KCNC2: variants seen among roughly 807,000 people sequenced by gnomAD.
KCNC2 encodes voltage-gated potassium channel KCNC2.
KCNC2 carries 21 observed loss-of-function variants against 44.5 expected under a neutral mutation model. The observed-to-expected ratio is 0.47, with a 90% confidence interval of 0.33 to 0.68. The LOEUF is 0.68. Among genes scored for constraint, KCNC2 ranks in the 30% least tolerant of loss-of-function variants. The pLI is 0.01. For missense variants in KCNC2, 589 were observed against 826.2 expected (o/e 0.71, Z 3.52); for synonymous variants, 391 against 339.1 (o/e 1.15, Z -1.68).
intron 2 of KCNC2, among the ~76,000 whole-genome samples, chr12:75,137,275 T>C (rs1889301008): frequency 6.6e-6 from 1 of 152,208 alleles, no homozygotes; most frequent in South Asian, 2.1e-4. Context: ...CTTTTTTCTT[T>C]ACACTCTGCT....
chr12:75,163,763 G>A (rs933537972), intron 2 of KCNC2, among the ~76,000 whole-genome samples: 2 of 151,670 alleles, frequency 1.3e-5, no homozygotes, highest in Non-Finnish European at 3.0e-5. Flanking sequence ...TAAAAGAGAA[G>A]ATTAGCGATT....
chr12:75,130,274 T>A (rs1177524848), intron 2 of KCNC2, among the ~76,000 whole-genome samples: 1 of 152,146 alleles, frequency 6.6e-6, no homozygotes, highest in Non-Finnish European at 1.5e-5. Context: ...CATCCTCCAT[T>A]AGGTCTGTCT....
intron 2 of KCNC2, among the ~76,000 whole-genome samples, chr12:75,191,403 T>G (rs889075416): frequency 6.6e-5 from 10 of 150,866 alleles, no homozygotes; most frequent in African/African-American, 2.2e-4. Flanking sequence ...ATATTTAAAT[T>G]TATGATTTAA....
intron 2 of KCNC2, among the ~76,000 whole-genome samples, chr12:75,078,951 T>A (rs1331614909): frequency 6.6e-6 from 1 of 152,172 alleles, no homozygotes; most frequent in Admixed American, 6.5e-5. Context: ...TACCTGACTT[T>A]AAGGTAAGGA....
At chr12:75,074,499 C>T (rs1294212082) in intron 2 of KCNC2, among the ~76,000 whole-genome samples, 1 of 152,132 alleles carries the variant, frequency 6.6e-6, no homozygotes, top group African/African-American at 2.4e-5. Flanking sequence ...AACATCATAT[C>T]AAGTTTCCTC....
chr12:75,143,910 AT>A (rs1474271806), intron 2 of KCNC2, among the ~76,000 whole-genome samples: 1 of 152,114 alleles, frequency 6.6e-6, no homozygotes, highest in Non-Finnish European at 1.5e-5. Flanking sequence ...TGTCAGCAAT[AT>A]TTTTTCTAAT....
chr12:75,058,278 C>A (rs1881957039), intron 2 of KCNC2, among the ~76,000 whole-genome samples: 1 of 151,532 alleles, frequency 6.6e-6, no homozygotes, highest in African/African-American at 2.4e-5. Flanking sequence ...ATGACATAAA[C>A]CAGAATTGTA....
chr12:75,171,417 C>G (rs1891811378), intron 2 of KCNC2, among the ~76,000 whole-genome samples: 1 of 151,922 alleles, frequency 6.6e-6, no homozygotes, highest in South Asian at 2.1e-4. Flanking sequence ...ATCTGCCTAC[C>G]ACAAGTCTTT....
rs770464195 is a variant in KCNC2, at chr12:75,041,253, C to T, written c.*1852G>A. On this transcript the variant is annotated 3_prime_UTR_variant, in exon 5 of 5. Transcript: ENST00000549446. ...CCAGACAGCATATTAATTCTTTTAC[C>T]ATAAATTTGTGTGTAATTATAATGT... 6.3e-7 allele frequency: 1 copy of T among 1,585,624 alleles called. No homozygotes were observed. Among genetic ancestry groups the T allele is most frequent in the South Asian group, 1.1e-5 (1 of 89,800 alleles).
chr12:75,049,836 T>G (rs1282095924), intron 3 of KCNC2, among the ~76,000 whole-genome samples: 1 of 152,066 alleles, frequency 6.6e-6, no homozygotes, highest in South Asian at 2.1e-4. Context: ...TCCTCCAGGA[T>G]ATTACTAGGG....
At chr12:75,156,282 A>G (rs1401853370) in intron 2 of KCNC2, among the ~76,000 whole-genome samples, 1 of 151,774 alleles carries the variant, frequency 6.6e-6, no homozygotes, top group African/African-American at 2.4e-5. Flanking sequence ...GATAAGAATT[A>G]TGTATACATT....
intron 2 of KCNC2, among the ~76,000 whole-genome samples, chr12:75,160,560 A>G (rs893956781): frequency 1.3e-5 from 2 of 151,764 alleles, no homozygotes; most frequent in Admixed American, 1.3e-4. Context: ...TTTCTATACC[A>G]CAGTACTGAA....
intron 2 of KCNC2, among the ~76,000 whole-genome samples, chr12:75,091,831 C>T (rs890593672): frequency 6.6e-6 from 1 of 151,322 alleles, no homozygotes; most frequent in Admixed American, 6.6e-5. Context: ...AAAGTGTATG[C>T]TTTAAGATAT....
intron 2 of KCNC2, among the ~76,000 whole-genome samples, chr12:75,123,041 C>T (rs183368700): frequency 1.0e-3 from 154 of 151,622 alleles, no homozygotes; most frequent in African/African-American, 3.6e-3. Flanking sequence ...AAATATATTC[C>T]TTTAAAAAGT....
intron 2 of KCNC2, among the ~76,000 whole-genome samples, chr12:75,192,409 A>G (rs1226703620): frequency 6.6e-6 from 1 of 152,208 alleles, no homozygotes; most frequent in East Asian, 1.9e-4. Context: ...GTAAAAACTT[A>G]AAGTACACTA....
intron 2 of KCNC2, among the ~76,000 whole-genome samples, chr12:75,071,542 T>C (rs1028658039): frequency 1.3e-5 from 2 of 152,220 alleles, no homozygotes; most frequent in Admixed American, 1.3e-4. Context: ...TAATAAACTA[T>C]GCTTTCTACT....
At chr12:75,047,571 A>C (rs1460217832) in intron 4 of KCNC2, among the ~76,000 whole-genome samples, 1 of 152,086 alleles carries the variant, frequency 6.6e-6, no homozygotes, top group Non-Finnish European at 1.5e-5. Flanking sequence ...GCATTTTGTG[A>C]GTACACAAGT....
chr12:75,081,342 A>T (rs773260010), intron 2 of KCNC2, among the ~76,000 whole-genome samples: 21 of 151,970 alleles, frequency 1.4e-4, no homozygotes, highest in Admixed American at 2.6e-4. Context: ...GTAGTAGTAT[A>T]AAGTGGAGGC....
At chr12:75,154,201 G>T (rs1440164647) in intron 2 of KCNC2, among the ~76,000 whole-genome samples, 3 of 151,978 alleles carry the variant, frequency 2.0e-5, no homozygotes, top group African/African-American at 7.2e-5. Flanking sequence ...CCCCTAGGGG[G>T]TCCCTCCTGT....
Sources: gnomAD v4.1 joint callset for allele counts (sites outside exome capture counted in the v4.1 genomes callset) on GRCh38, gnomAD v4.1.1 for gene constraint, MANE v1.5 for transcripts, NCBI Gene and HGNC (gene_info 2026-07-23, HGNC 2026-07-21) for gene names.